The following SLC25A12 variants were observed in gnomAD, a reference collection of about 807,000 sequenced individuals.
SLC25A12 encodes electrogenic aspartate/glutamate antiporter SLC25A12, mitochondrial.
Under a neutral mutation model 83.3 loss-of-function variants are expected in SLC25A12, and 32 were observed. That is an observed-to-expected ratio of 0.38 (90% CI 0.29 to 0.52). The LOEUF (loss-of-function observed/expected upper bound fraction) is 0.52, where lower values mean the gene tolerates loss of function less well. SLC25A12 is among the 20% of genes least tolerant of loss of function. The pLI, the probability that SLC25A12 is intolerant of heterozygous loss-of-function variation, is 0.84. For synonymous variants in SLC25A12, 267 were observed against 291.1 expected (o/e 0.92, Z 0.84); for missense variants, 611 against 835.6 (o/e 0.73, Z 3.31).
intron 3 of SLC25A12, among the ~76,000 whole-genome samples, chr2:171,867,714 C>T (rs1685366287): frequency 1.3e-5 from 2 of 152,206 alleles, no homozygotes; most frequent in African/African-American, 4.8e-5. Context: ...CACAGAGCTA[C>T]CCTACAAGAT....
At chr2:171,844,574 TC>T (rs1211121279) in intron 4 of SLC25A12, 66 bp from the exon 5 acceptor site, 1 of 1,128,884 alleles carries the variant, frequency 8.9e-7, no homozygotes, top group Non-Finnish European at 1.3e-6. Context: ...ACTGCAATGT[TC>T]CTACAGAAAA....
At chr2:171,837,959 T>C (rs181082944) in intron 5 of SLC25A12, among the ~76,000 whole-genome samples, 1 of 152,310 alleles carries the variant, frequency 6.6e-6, no homozygotes, top group Admixed American at 6.5e-5. Context: ...GCAACCAAAC[T>C]TTGTAATAAG....
At chr2:171,786,296 A>C (rs1262279322) in intron 17 of SLC25A12, among the ~76,000 whole-genome samples, 1 of 151,352 alleles carries the variant, frequency 6.6e-6, no homozygotes, top group African/African-American at 2.4e-5. Context: ...AGGCAGGAGA[A>C]TCACTTGAAC....
chr2:171,807,973 G>T (rs1308962801), intron 13 of SLC25A12, among the ~76,000 whole-genome samples: 1 of 152,148 alleles, frequency 6.6e-6, no homozygotes, highest in Non-Finnish European at 1.5e-5. Context: ...GACCCCCGAG[G>T]CAGTGTCTCT....
chr2:171,868,615 G>GT, intron 3 of SLC25A12, 66 bp downstream of exon 3: 1 of 1,540,778 alleles, frequency 6.5e-7, no homozygotes, highest in African/African-American at 1.4e-5. Context: ...TGCCCAGCTG[G>GT]TTTTTTAAAT....
At chr2:171,789,761 G>A (rs915436563) in intron 15 of SLC25A12, among the ~76,000 whole-genome samples, 1 of 152,104 alleles carries the variant, frequency 6.6e-6, no homozygotes. Flanking sequence ...AGGCATGGTG[G>A]TACACGCCTG....
chr2:171,821,033 T>A (rs1415841189), intron 9 of SLC25A12, among the ~76,000 whole-genome samples: 2 of 131,826 alleles, frequency 1.5e-5, no homozygotes, highest in African/African-American at 5.7e-5. Flanking sequence ...TTTTTTTTTT[T>A]TTTTTTTTTT....
intron 13 of SLC25A12, among the ~76,000 whole-genome samples, chr2:171,800,323 TCACACACA>T (rs60362750): frequency 2.5e-4 from 37 of 149,532 alleles, no homozygotes; most frequent in East Asian, 1.4e-3. Flanking sequence ...AACAGATACT[TCACACACA>T]CACACACACA....
At chr2:171,791,812 T>C (rs1683467622) in intron 14 of SLC25A12, among the ~76,000 whole-genome samples, 1 of 152,174 alleles carries the variant, frequency 6.6e-6, no homozygotes, top group Admixed American at 6.5e-5. Flanking sequence ...TGTGAAAGCA[T>C]GGTGAATCCT....
At position 171,817,729 on chromosome 2, in the gene SLC25A12, T is replaced by C. The variant is rs1021583754; in HGVS notation, c.931-2527A>G. Among the ~76,000 whole-genome samples, 7 of 152,070 alleles carry C rather than the reference T, an allele frequency of 4.6e-5. No homozygotes were observed. In the South Asian group the frequency reaches 1.0e-3, roughly 22 times the overall value. ...ATGAATTATTTTCAATCATGTATCC[T>C]TTCAAAAGAATATGTTGAATTAAAA... On this transcript the variant is annotated intron_variant, in intron 9 of 17. Coordinates refer to ENST00000422440, the MANE Select transcript of SLC25A12 (RefSeq NM_003705.5).
At chr2:171,821,577 G>C (rs1323106436) in intron 9 of SLC25A12, among the ~76,000 whole-genome samples, 1 of 152,036 alleles carries the variant, frequency 6.6e-6, no homozygotes, top group Non-Finnish European at 1.5e-5. Context: ...GTGTTTTCTT[G>C]TACTAATGAT....
intron 5 of SLC25A12, among the ~76,000 whole-genome samples, chr2:171,842,681 A>C (rs183927174): frequency 5.3e-5 from 8 of 152,304 alleles, no homozygotes; most frequent in Admixed American, 2.0e-4. Context: ...AGTAGGCTGG[A>C]AGTTGCCAGA....
intron 12 of SLC25A12, 152 bp from the exon 13 acceptor site, chr2:171,809,838 G>A (rs1351043967): frequency 1.4e-6 from 1 of 707,012 alleles, no homozygotes; most frequent in Non-Finnish European, 2.6e-6. Flanking sequence ...TACAAATTCT[G>A]CGACAGTGTG....
Position 171,892,609 on chromosome 2 carries a change from CT to C in SLC25A12, c.66+595del, listed in dbSNP as rs550946932. On this transcript the variant is annotated intron_variant, in intron 2 of 17. Coordinates refer to ENST00000422440, the MANE Select transcript of SLC25A12 (RefSeq NM_003705.5). ...AAGCAAAACAAAAAACTAAGCCAAC[CT>C]TTTTTTTTTCTTTTTTCTTTTCTTT... 2.8e-3 allele frequency among the ~76,000 whole-genome samples: 422 copies of C among 149,708 alleles called. 2 individuals are homozygous for C. Among genetic ancestry groups the C allele is most frequent in the Non-Finnish European group, 3.5e-3 (237 of 67,330 alleles).
At chr2:171,837,078 G>A (rs1684576545) in intron 6 of SLC25A12, 43 bp downstream of exon 6, 5 of 1,604,866 alleles carry the variant, frequency 3.1e-6, no homozygotes, top group Non-Finnish European at 4.3e-6. Flanking sequence ...TGGATCAAAA[G>A]GTTTGAGGAA....
At chr2:171,829,552 T>A (rs2105881509) in intron 8 of SLC25A12, among the ~76,000 whole-genome samples, 1 of 152,150 alleles carries the variant, frequency 6.6e-6, no homozygotes, top group African/African-American at 2.4e-5. Context: ...GAACACTCTA[T>A]TCAACTACCT....
chr2:171,872,812 C>G (rs1281486976), intron 2 of SLC25A12, among the ~76,000 whole-genome samples: 7 of 151,816 alleles, frequency 4.6e-5, no homozygotes, highest in African/African-American at 7.3e-5. Context: ...CAAAACAAAA[C>G]AAAAACACAA....
intron 5 of SLC25A12, among the ~76,000 whole-genome samples, chr2:171,843,532 C>A (rs1055219012): frequency 3.3e-5 from 5 of 151,994 alleles, no homozygotes; most frequent in African/African-American, 9.7e-5. Context: ...AGTTGAGTGG[C>A]TGAGACATGA....
rs1487875092 is a variant in SLC25A12 at position 171,785,318 on chromosome 2, C to T, written c.1993G>A (p.Val665Ile). ...LYLPKFKSPSVAVVQPKAAVA... is the reference protein window; with the variant it reads ...LYLPKFKSPSIAVVQPKAAVA... ...GCTGCCTTTGGCTGAACCACAGCAA[C>T]ACTAGGAGACTTAAATTTCGGGAGA... The change falls in exon 18 of 18, where the codon GTT becomes ATT. Residue 665 changes from valine (V) to isoleucine (I), a missense_variant. Physicochemically the swap from Val to Ile is conservative, Grantham distance 29 (BLOSUM62 3). This residue lies in a region of SLC25A12 where 37 missense variants were observed against 35.1 expected (regional missense o/e 1.05). Transcript: ENST00000422440. 4 of 1,614,184 alleles carry T rather than the reference C, an allele frequency of 2.5e-6. No homozygotes were observed. Among genetic ancestry groups the T allele is most frequent in the South Asian group, 1.1e-5 (1 of 91,084 alleles).
Sources: gnomAD v4.1 joint callset for allele counts (sites outside exome capture counted in the v4.1 genomes callset) on GRCh38, gnomAD v4.1.1 for gene constraint, gnomAD v4.1.1 regional missense constraint, MANE v1.5 for transcripts, NCBI Gene and HGNC (gene_info 2026-07-23, HGNC 2026-07-21) for gene names.